Variants in FAT3 observed in about 807,000 individuals in gnomAD.
FAT3 encodes protocadherin Fat 3.
In FAT3, 95 loss-of-function variants were observed where a neutral mutation model predicts 310.2. The ratio of observed to expected loss-of-function variants is 0.31; its 90% confidence interval spans 0.26 to 0.36. The LOEUF is 0.36. Among genes scored for constraint, FAT3 ranks in the 10% least tolerant of loss-of-function variants. FAT3 has a pLI of 1.00. For synonymous variants in FAT3, 2,314 were observed against 2,192.9 expected (o/e 1.06, Z -1.54); for missense variants, 5,408 against 5,715.6 (o/e 0.95, Z 1.74).
intron 10 of FAT3, 23 bp from the exon 11 acceptor site, chr11:92,805,130 C>A (rs2136198349): frequency 6.3e-7 from 1 of 1,598,912 alleles, no homozygotes; most frequent in South Asian, 1.1e-5. Context: ...TCTTCAAAAG[C>A]TCTTTTGTTT....
chr11:92,658,946 C>CATCATCATCAAT (rs1942676984), intron 3 of FAT3, among the ~76,000 whole-genome samples: 1 of 151,904 alleles, frequency 6.6e-6, no homozygotes, highest in Non-Finnish European at 1.5e-5. Flanking sequence ...TCATCATCAT[C>CATCATCATCAAT]ATCATCAATA....
In FAT3 at chr11:92,524,709, G is replaced by C. The variant is rs1393992527; in HGVS notation, c.3368G>C (p.Arg1123Thr). 1 of 1,613,736 alleles carries C rather than the reference G, an allele frequency of 6.2e-7. No individual in the cohort carries two copies. Among genetic ancestry groups the C allele is most frequent in the African/African-American group, 1.3e-5 (1 of 74,908 alleles). The change falls in exon 3 of 28, where the codon AGG (arginine) becomes ACG (threonine). Residue 1123 changes from arginine (R) to threonine (T), a missense_variant. Transcript: ENST00000525166. ...SYWLTVYATD[R>T]GVVPLYSTIE... The stretch of plus-strand genomic sequence containing the variant: ...TGGCTAACAGTGTATGCCACAGACA[G>C]GGGCGTTGTTCCACTCTACTCCACC...
At chr11:92,627,518 G>A (rs1011248688) in intron 3 of FAT3, among the ~76,000 whole-genome samples, 9 of 152,116 alleles carry the variant, frequency 5.9e-5, no homozygotes, top group Non-Finnish European at 1.3e-4. Context: ...ATAGTTGGAT[G>A]GGGTAGAGAG....
chr11:92,503,987 T>C (rs1279228748), intron 2 of FAT3, among the ~76,000 whole-genome samples: 1 of 152,158 alleles, frequency 6.6e-6, no homozygotes, highest in Admixed American at 6.6e-5. Context: ...ATTGTCCAAA[T>C]AAATTACTGC....
chr11:92,402,192 G>A (rs1021854402), intron 2 of FAT3, among the ~76,000 whole-genome samples: 16 of 152,032 alleles, frequency 1.1e-4, no homozygotes, highest in African/African-American at 3.6e-4. Context: ...CCACAATAAT[G>A]GAAATAAAGA....
At position 92,896,431 on chromosome 11, in the gene FAT3, T is replaced by C. The variant is rs1246774554; in HGVS notation, c.*5318T>C. On this transcript the variant is annotated 3_prime_UTR_variant, in exon 28 of 28. Transcript: ENST00000525166. The stretch of plus-strand genomic sequence containing the variant: ...CAGGTTTGTAACTGCCAAAATTTGA[T>C]GGTTAAAACAAGTTTTCAAGTAAAA... The C allele has an allele frequency of 1.3e-5, 2 of 150,794 alleles. No homozygotes were observed. Among genetic ancestry groups the C allele is most frequent in the African/African-American group, 4.9e-5 (2 of 41,044 alleles). 9.3% of individuals were successfully genotyped at this position (150,794 alleles called of 1,614,324 possible).
chr11:92,686,129 T>C (rs929609417), intron 3 of FAT3, among the ~76,000 whole-genome samples: 2 of 152,178 alleles, frequency 1.3e-5, no homozygotes, highest in African/African-American at 4.8e-5. Flanking sequence ...ATCATTCTTA[T>C]GAGAGATGGT....
chr11:92,706,809 A>C (rs183699680), intron 4 of FAT3, among the ~76,000 whole-genome samples: 2 of 152,366 alleles, frequency 1.3e-5, no homozygotes, highest in East Asian at 3.8e-4. Context: ...ATAAATAAGA[A>C]ATGAGCCTAT....
chr11:92,707,885 G>A (rs371096200), intron 4 of FAT3, among the ~76,000 whole-genome samples: 8 of 152,310 alleles, frequency 5.3e-5, no homozygotes, highest in African/African-American at 1.9e-4. Context: ...TGTAATGACA[G>A]CAAGTTTAAA....
Position 92,224,894 on chromosome 11 carries a change from C to T in FAT3, c.-298C>T, listed in dbSNP as rs1463410902. 6.6e-6 allele frequency among the ~76,000 whole-genome samples: 1 copy of T among 152,062 alleles called. No homozygotes were observed. The highest frequency in any genetic ancestry group is 6.5e-5 in the Admixed American group (1 of 15,272). On this transcript the variant is annotated 5_prime_UTR_variant, in exon 1 of 28. Transcript: ENST00000525166. ...CCCGCAGGCTGCGCTGTGAACTGGC[C>T]TGCGGATTGGGATCTCGCGCCTCCC...
chr11:92,642,692 T>C (rs1381622383), intron 3 of FAT3, among the ~76,000 whole-genome samples: 1 of 152,228 alleles, frequency 6.6e-6, no homozygotes, highest in Non-Finnish European at 1.5e-5. Flanking sequence ...GAGACAGGGC[T>C]TCTTACCCTT....
chr11:92,513,366 T>C (rs1254676117), intron 2 of FAT3, among the ~76,000 whole-genome samples: 1 of 152,128 alleles, frequency 6.6e-6, no homozygotes, highest in East Asian at 1.9e-4. Flanking sequence ...CTTATACAGG[T>C]CCAAGGATGA....
At chr11:92,549,649 G>T (rs1195186227) in intron 3 of FAT3, among the ~76,000 whole-genome samples, 1 of 152,128 alleles carries the variant, frequency 6.6e-6, no homozygotes, top group Non-Finnish European at 1.5e-5. Flanking sequence ...ATTATTTAAT[G>T]CTCACAATAA....
intron 3 of FAT3, among the ~76,000 whole-genome samples, chr11:92,637,387 G>A (rs1333193565): frequency 6.6e-6 from 1 of 152,160 alleles, no homozygotes; most frequent in Non-Finnish European, 1.5e-5. Context: ...AGGGGGTCAG[G>A]AAGGATGAAT....
chr11:92,621,699 G>C (rs189355221), intron 3 of FAT3, among the ~76,000 whole-genome samples: 1 of 152,082 alleles, frequency 6.6e-6, no homozygotes, highest in Non-Finnish European at 1.5e-5. Context: ...CTTGTAATCC[G>C]TTCTGTTCTT....
intron 4 of FAT3, among the ~76,000 whole-genome samples, chr11:92,736,819 T>A (rs1945363140): frequency 6.6e-6 from 1 of 152,160 alleles, no homozygotes; most frequent in Non-Finnish European, 1.5e-5. Flanking sequence ...CAGGTACAAA[T>A]TCAGTCACTT....
chr11:92,379,500 A>G (rs1949437263), intron 2 of FAT3, among the ~76,000 whole-genome samples: 1 of 152,202 alleles, frequency 6.6e-6, no homozygotes, highest in East Asian at 1.9e-4. Flanking sequence ...GGTAAGCCAG[A>G]CCAAAGCAGA....
chr11:92,364,517 A>C (rs569133631), intron 2 of FAT3, among the ~76,000 whole-genome samples: 104 of 152,354 alleles, frequency 6.8e-4, no homozygotes, highest in African/African-American at 2.4e-3. Flanking sequence ...ATTTATCATT[A>C]CAGTTGGAAG....
At chr11:92,841,065 T>G (rs190750644) in intron 18 of FAT3, among the ~76,000 whole-genome samples, 1 of 152,268 alleles carries the variant, frequency 6.6e-6, no homozygotes, top group African/African-American at 2.4e-5. Context: ...CTATTGCCCA[T>G]CACATTACCC....
Sources: gnomAD v4.1 joint callset for allele counts (sites outside exome capture counted in the v4.1 genomes callset) on GRCh38, gnomAD v4.1.1 for gene constraint, MANE v1.5 for transcripts, NCBI Gene and HGNC (gene_info 2026-07-23, HGNC 2026-07-21) for gene names.